CAPN2: variants seen among roughly 807,000 people sequenced by gnomAD.
CAPN2 encodes the protein calpain-2 catalytic subunit.
CAPN2 carries 92 observed loss-of-function variants against 102.3 expected under a neutral mutation model. That is an observed-to-expected ratio of 0.90 (90% confidence interval 0.76 to 1.07). The LOEUF is 1.07. CAPN2 is among the 50% of genes least tolerant of loss of function. The pLI is 0.00. For synonymous variants in CAPN2, 340 were observed against 355.4 expected (o/e 0.96, Z 0.49); for missense variants, 800 against 909.4 (o/e 0.88, Z 1.55).
In CAPN2 at chr1:223,746,159, A is replaced by G. The variant is rs111267817; in HGVS notation, c.560+720A>G. ...GTGGATTTCTGTTTCTTACAGTCCC[A>G]ATCCAGGAAGGAGGAGTCAGCTGTG... On this transcript the variant is annotated intron_variant, in intron 4 of 20. Transcript: ENST00000295006. 1.7e-3 allele frequency among the ~76,000 whole-genome samples: 263 copies of G among 152,238 alleles called. 3 individuals are homozygous for G. The highest frequency in any genetic ancestry group is 5.8e-3 in the African/African-American group (239 of 41,544).
Position 223,731,948 on chromosome 1 carries a change from A to G in CAPN2, c.308-12152A>G, listed in dbSNP as rs1660348166. ...CCTACTTGGTATCAGTTGCAAAGAA[A>G]GAACACTCAGTTGGAAAAAAAGGCA... On this transcript the variant is annotated intron_variant, in intron 2 of 20. Transcript: ENST00000295006. This position sits in a 1 kb window ranked among gnomAD's most constrained non-coding sequence, Gnocchi z 4.2. 6.6e-6 allele frequency among the ~76,000 whole-genome samples: 1 copy of G among 152,252 alleles called. No homozygotes were observed.
exon 1 of CAPN2, chr1:223,701,830 T>A (rs1245286692): frequency 1.3e-5 from 2 of 150,084 alleles, no homozygotes; most frequent in African/African-American, 5.0e-5. Flanking sequence ...CTGGCCAACA[T>A]GGTGAGTCAA....
rs1361558892 is a variant in CAPN2, at chr1:223,754,365, T to C, written c.1136-1115T>C. On this transcript the variant is annotated intron_variant, in intron 9 of 20. Coordinates refer to ENST00000295006, the MANE Select transcript of CAPN2 (RefSeq NM_001748.5). The surrounding 1 kb of genome is among the most constrained non-coding windows in gnomAD (Gnocchi z 4.7). ...CCCACAAGGGACCCCTCCTACCCAC[T>C]AGATCAGGAGTCGGAAAACTCCCTC... Among the ~76,000 whole-genome samples the C allele has an allele frequency of 6.6e-6, 1 of 152,098 alleles. No individual in the cohort carries two copies. The highest frequency in any genetic ancestry group is 2.4e-5 in the African/African-American group (1 of 41,416).
intron 2 of CAPN2, among the ~76,000 whole-genome samples, chr1:223,720,510 T>C (rs2102777156): frequency 1.3e-5 from 2 of 151,882 alleles, no homozygotes; most frequent in South Asian, 4.2e-4. Flanking sequence ...ATAGACCGGG[T>C]CTTGCCATGT....
chr1:223,707,236 TTCTC>T lies in CAPN2; in HGVS notation c.3+5419_3+5422del, dbSNP rs748787370. 1.6e-4 allele frequency among the ~76,000 whole-genome samples: 21 copies of T among 134,146 alleles called. No homozygotes were observed. In the South Asian group the frequency reaches 3.7e-3, roughly 24 times the overall value. The allele number at this position is 134,146 out of a possible 152,430, so 88.0% of individuals were successfully genotyped here. ...ACACACACATTCTTATTCTCTTATT[TTCTC>T]TCTCTCTCTCTCTTCTTCTCTCTCT... On this transcript the variant is annotated intron_variant, in intron 1 of 20. Coordinates refer to the CAPN2 transcript ENST00000433674.
At chr1:223,714,740 A>G (rs1278758478) in intron 1 of CAPN2, among the ~76,000 whole-genome samples, 1 of 151,918 alleles carries the variant, frequency 6.6e-6, no homozygotes, top group Non-Finnish European at 1.5e-5. Context: ...TCTTTCATTC[A>G]TTCAGTAAGC....
intron 16 of CAPN2, among the ~76,000 whole-genome samples, chr1:223,768,985 G>T (rs1051152004): frequency 1.3e-5 from 2 of 152,130 alleles, no homozygotes; most frequent in Non-Finnish European, 2.9e-5. Flanking sequence ...TTTTGCTCTA[G>T]CTCCTTCCCA....
In CAPN2 at chr1:223,754,517, G is replaced by A. The variant is rs151022522; in HGVS notation, c.1136-963G>A. Among the ~76,000 whole-genome samples, 349 of 152,336 alleles carry A rather than the reference G, an allele frequency of 2.3e-3. 1 individual carries two copies. Among genetic ancestry groups the A allele is most frequent in the African/African-American group, 8.1e-3 (336 of 41,578 alleles). ...GGCCGTGGCTACGTTCCAATAAAAC[G>A]TTATTTACAAAAACAGGCAGCGGCC... On this transcript the variant is annotated intron_variant, in intron 9 of 20. Transcript: ENST00000295006. The surrounding 1 kb of genome is among the most constrained non-coding windows in gnomAD (Gnocchi z 4.7).
rs139034763 is a variant in CAPN2 at position 223,759,783 on chromosome 1, T to C, written c.1529+302T>C. Among the ~76,000 whole-genome samples the C allele has an allele frequency of 2.6e-4, 39 of 152,360 alleles. No individual in the cohort carries two copies. The highest frequency in any genetic ancestry group is 8.7e-4 in the African/African-American group (36 of 41,590). ...AATTCTCAAGTTGGTACTTTAATGT[T>C]AAACTACGAATCCAGTCTCGTCATT... On this transcript the variant is annotated intron_variant, in intron 12 of 20. Coordinates refer to ENST00000295006, the MANE Select transcript of CAPN2 (RefSeq NM_001748.5). The surrounding 1 kb of genome is among the most constrained non-coding windows in gnomAD (Gnocchi z 4.6).
intron 2 of CAPN2, among the ~76,000 whole-genome samples, chr1:223,742,886 T>C (rs1368655345): frequency 6.6e-6 from 1 of 152,202 alleles, no homozygotes; most frequent in Non-Finnish European, 1.5e-5. Context: ...TTAAACTCCT[T>C]TGAGGCTACT....
chr1:223,751,711 C>G (rs1660903821), intron 7 of CAPN2, among the ~76,000 whole-genome samples: 1 of 152,246 alleles, frequency 6.6e-6, no homozygotes, highest in African/African-American at 2.4e-5. Context: ...TACTCCATCT[C>G]CCTCTAATGA....
Position 223,759,098 on chromosome 1 carries a change from C to T in CAPN2, c.1318-172C>T. On this transcript the variant is annotated intron_variant, in intron 11 of 20. Coordinates refer to ENST00000295006, the MANE Select transcript of CAPN2 (RefSeq NM_001748.5). This position sits in a 1 kb window ranked among gnomAD's most constrained non-coding sequence, Gnocchi z 4.6. ...GTTGTCGTCGTTATATAGATGAGGG[C>T]TTCCTGTGTTGCCCAGGCTGGTTTC... 1.5e-6 allele frequency: 1 copy of T among 648,974 alleles called. No homozygotes were observed. The highest frequency in any genetic ancestry group is 2.8e-6 in the Non-Finnish European group (1 of 359,058). The allele number at this position is 648,974 out of a possible 1,614,324, so 40.2% of individuals were successfully genotyped here.
At chr1:223,704,272 C>T (rs1462861545) in intron 1 of CAPN2, among the ~76,000 whole-genome samples, 2 of 152,144 alleles carry the variant, frequency 1.3e-5, no homozygotes, top group Admixed American at 1.3e-4. Context: ...GCCTGGGCAA[C>T]AGAGCAAGAC....
Position 223,733,959 on chromosome 1 carries a change from CGGTCCCAACTGCAGACTG to C in CAPN2, c.308-10123_308-10106del, listed in dbSNP as rs1455662326. Among the ~76,000 whole-genome samples, 340 of 152,226 alleles carry C rather than the reference CGGTCCCAACTGCAGACTG, an allele frequency of 2.2e-3. 2 individuals carry two copies. Among genetic ancestry groups the C allele is most frequent in the African/African-American group, 7.8e-3 (324 of 41,516 alleles). On this transcript the variant is annotated intron_variant, in intron 2 of 20. Coordinates refer to ENST00000295006, the MANE Select transcript of CAPN2 (RefSeq NM_001748.5). Reference sequence around the variant, plus strand: ...CAGCCCAGGGGTGCAGGGAGAGAAACGGTCCCAACTGCAGACTGGGTCCCAACTGCAGACTCGGTCCCA... The same window carrying C: ...CAGCCCAGGGGTGCAGGGAGAGAAACGGTCCCAACTGCAGACTCGGTCCCA...
intron 2 of CAPN2, among the ~76,000 whole-genome samples, chr1:223,728,727 G>A (rs974011634): frequency 1.3e-5 from 2 of 152,198 alleles, no homozygotes; most frequent in African/African-American, 4.8e-5. Context: ...GCGGGGTGGG[G>A]AGGATGTGTT....
At chr1:223,766,264 G>GTA in intron 15 of CAPN2, 103 bp from the exon 16 acceptor site, 1 of 839,374 alleles carries the variant, frequency 1.2e-6, no homozygotes, top group Non-Finnish European at 2.0e-6. Context: ...AGTGGCTTCT[G>GTA]TATGTGAAGG....
In CAPN2 at chr1:223,759,377, C is replaced by G; in HGVS notation, c.1425C>G (p.Phe475Leu). 1 of 1,614,224 alleles carries G rather than the reference C, an allele frequency of 6.2e-7. No homozygotes were observed. The highest frequency in any genetic ancestry group is 8.5e-7 in the Non-Finnish European group (1 of 1,180,040). ...ACCTCCGGGAGGTGCTCAACCGCTT[C>G]AAGCTGCCGCCAGGAGAGTACATTC... ...FINLREVLNR[F>L]KLPPGEYILV... The change falls in exon 12 of 21, where the codon TTC becomes TTG. Residue 475 changes from phenylalanine (F) to leucine (L), a missense_variant. Physicochemically the swap from Phe to Leu is conservative, Grantham distance 22. Coordinates refer to ENST00000295006, the MANE Select transcript of CAPN2 (RefSeq NM_001748.5). This position sits in a 1 kb window ranked among gnomAD's most constrained non-coding sequence, Gnocchi z 4.6.
At chr1:223,763,105 G>A (rs1285693735) in intron 14 of CAPN2, among the ~76,000 whole-genome samples, 1 of 151,418 alleles carries the variant, frequency 6.6e-6, no homozygotes, top group South Asian at 2.1e-4. Context: ...TTACGGGTGT[G>A]AGCCACCATA....
chr1:223,717,925 A>T, intron 2 of CAPN2, 94 bp downstream of exon 2: 1 of 935,040 alleles, frequency 1.1e-6, no homozygotes, highest in Non-Finnish European at 1.7e-6. Context: ...CTCCCTTCCC[A>T]AGCAGCTTGG....
Sources: gnomAD v4.1 joint callset for allele counts (sites outside exome capture counted in the v4.1 genomes callset) on GRCh38, gnomAD v4.1.1 for gene constraint, Gnocchi (gnomAD v3.1) non-coding constraint, MANE v1.5 for transcripts, NCBI Gene and HGNC (gene_info 2026-07-23, HGNC 2026-07-21) for gene names.